Variants in SLCO3A1 observed in about 807,000 individuals in gnomAD.
SLCO3A1 encodes solute carrier organic anion transporter family member 3A1, also known as PGE1 transporter.
SLCO3A1 carries 27 observed loss-of-function variants against 63.1 expected under a neutral mutation model. The ratio of observed to expected loss-of-function variants is 0.43; its 90% CI spans 0.32 to 0.59. The LOEUF is 0.59. SLCO3A1 is among the 20% of genes least tolerant of loss of function. SLCO3A1 has a pLI of 0.09. For missense variants in SLCO3A1, 773 were observed against 945.8 expected, an observed-to-expected ratio of 0.82 and a Z score of 2.40; for synonymous variants, 473 against 409.9, an observed-to-expected ratio of 1.15 and a Z score of -1.86.
At chr15:92,097,494 C>A (rs756371819) in intron 3 of SLCO3A1, among the ~76,000 whole-genome samples, 1 of 152,178 alleles carries the variant, frequency 6.6e-6, no homozygotes, top group African/African-American at 2.4e-5. Context: ...TTACTGTGTT[C>A]GGCATCTCTG....
intron 2 of SLCO3A1, among the ~76,000 whole-genome samples, chr15:92,025,689 G>C (rs1478117460): frequency 6.6e-6 from 1 of 152,208 alleles, no homozygotes; most frequent in Non-Finnish European, 1.5e-5. Context: ...CATTCCCGTA[G>C]CTGTCTCTAT....
intron 3 of SLCO3A1, among the ~76,000 whole-genome samples, chr15:92,102,461 T>C (rs2047617730): frequency 6.6e-6 from 1 of 152,202 alleles, no homozygotes. Flanking sequence ...TTGCCTGTCA[T>C]CCTTGCAACC....
intron 2 of SLCO3A1, among the ~76,000 whole-genome samples, chr15:92,005,478 A>G (rs1274392524): frequency 2.6e-5 from 4 of 152,210 alleles, no homozygotes; most frequent in East Asian, 1.9e-4. Flanking sequence ...TCTGGCGGGT[A>G]GGTGAGAATC....
At chr15:92,015,356 T>C (rs549472485) in intron 2 of SLCO3A1, among the ~76,000 whole-genome samples, 2 of 152,150 alleles carry the variant, frequency 1.3e-5, no homozygotes, top group African/African-American at 4.8e-5. Context: ...CTTACAATCA[T>C]GTCAGAAGGC....
At chr15:92,080,215 C>T (rs2047326540) in intron 2 of SLCO3A1, among the ~76,000 whole-genome samples, 1 of 152,200 alleles carries the variant, frequency 6.6e-6, no homozygotes, top group Non-Finnish European at 1.5e-5. Context: ...TCCATGAGGC[C>T]AGGGCTTCCT....
intron 2 of SLCO3A1, among the ~76,000 whole-genome samples, chr15:91,926,596 T>TGTGTGGGTGTGTGTGC: frequency 9.5e-6 from 1 of 105,256 alleles, no homozygotes; most frequent in South Asian, 3.0e-4. Context: ...TGTGTGTGTG[T>TGTGTGGGTGTGTGTGC]GCGCGCGCGC....
chr15:92,028,750 C>T (rs985855889), intron 2 of SLCO3A1, among the ~76,000 whole-genome samples: 3 of 152,146 alleles, frequency 2.0e-5, no homozygotes, highest in African/African-American at 7.2e-5. Flanking sequence ...GAAGATGCTG[C>T]AATTAGGGGT....
intron 2 of SLCO3A1, among the ~76,000 whole-genome samples, chr15:92,088,242 C>T (rs773026351): frequency 2.6e-5 from 4 of 152,068 alleles, no homozygotes; most frequent in Admixed American, 6.6e-5. Flanking sequence ...AGCACTGGGG[C>T]GAAATAGGAA....
intron 2 of SLCO3A1, among the ~76,000 whole-genome samples, chr15:92,068,424 C>T (rs1477918830): frequency 6.6e-6 from 1 of 151,294 alleles, no homozygotes; most frequent in African/African-American, 2.4e-5. Flanking sequence ...ATTAAGACAG[C>T]GTTTCAGCGC....
intron 2 of SLCO3A1, among the ~76,000 whole-genome samples, chr15:92,035,985 C>T (rs772783806): frequency 1.1e-4 from 16 of 146,508 alleles, no homozygotes; most frequent in Non-Finnish European, 1.9e-4. Flanking sequence ...GATGTGCCCA[C>T]GACCTGTTTC....
At chr15:92,131,213 G>A (rs926482801) in intron 7 of SLCO3A1, among the ~76,000 whole-genome samples, 2 of 151,984 alleles carry the variant, frequency 1.3e-5, no homozygotes, top group Non-Finnish European at 2.9e-5. Context: ...ACCAAGAAAG[G>A]AAAAATAGTG....
At chr15:92,051,414 T>C (rs1274168586) in intron 2 of SLCO3A1, among the ~76,000 whole-genome samples, 1 of 152,144 alleles carries the variant, frequency 6.6e-6, no homozygotes, top group East Asian at 1.9e-4. Flanking sequence ...TTAGACTTCA[T>C]CTTGTGGGCA....
chr15:91,939,736 G>A (rs1221286077), intron 2 of SLCO3A1, among the ~76,000 whole-genome samples: 2 of 151,940 alleles, frequency 1.3e-5, no homozygotes, highest in African/African-American at 2.4e-5. Flanking sequence ...CCTCCTACCC[G>A]CCTCCTCCAT....
chr15:91,930,196 C>A (rs554714149), intron 2 of SLCO3A1, among the ~76,000 whole-genome samples: 1 of 152,162 alleles, frequency 6.6e-6, no homozygotes, highest in African/African-American at 2.4e-5. Context: ...GTTCCTGCAC[C>A]TCTCTGATGT....
intron 2 of SLCO3A1, among the ~76,000 whole-genome samples, chr15:92,056,555 T>G (rs1480610916): frequency 6.6e-6 from 1 of 152,214 alleles, no homozygotes; most frequent in Non-Finnish European, 1.5e-5. Context: ...AGACTCATCT[T>G]ATTACTTCCT....
chr15:91,870,970 A>G (rs972884801), intron 1 of SLCO3A1, among the ~76,000 whole-genome samples: 3 of 151,632 alleles, frequency 2.0e-5, no homozygotes, highest in African/African-American at 7.3e-5. Context: ...TTTGGGGGGT[A>G]TCTTTCTCTG....
Position 91,916,346 on chromosome 15 carries a change from G to A in SLCO3A1, c.534G>A (p.Leu178=), listed in dbSNP as rs766465611. 1.9e-6 allele frequency: 3 copies of A among 1,609,756 alleles called. No individual in the cohort carries two copies. Among genetic ancestry groups the A allele is most frequent in the Admixed American group, 1.7e-5 (1 of 59,494 alleles). ...GGACGGCTACCAACATGATGTACTT[G>A]CTGCTCATTGGGGCCCAGGTGCTCC... ...RNRTATNMMY[L]LLIGAQVLLG... The change falls in exon 2 of 10, where the codon TTG becomes TTA. Residue 178 remains leucine (L), a synonymous_variant. Coordinates refer to ENST00000318445, the MANE Select transcript of SLCO3A1 (RefSeq NM_013272.4). The surrounding 1 kb of genome is among the most constrained non-coding windows in gnomAD (Gnocchi z 6.2).
chr15:92,053,928 A>ACTTACAGAGT (rs1450545274), intron 2 of SLCO3A1, among the ~76,000 whole-genome samples: 1 of 151,930 alleles, frequency 6.6e-6, no homozygotes, highest in Non-Finnish European at 1.5e-5. Flanking sequence ...TGCAGCCCAC[A>ACTTACAGAGT]CTTACAGAGT....
intron 2 of SLCO3A1, among the ~76,000 whole-genome samples, chr15:92,005,811 G>C (rs28647689): frequency 6.6e-6 from 1 of 152,174 alleles, no homozygotes; most frequent in Non-Finnish European, 1.5e-5. Context: ...CTTTTGTAGG[G>C]ATGGCCTGTC....
Sources: gnomAD v4.1 joint callset for allele counts (sites outside exome capture counted in the v4.1 genomes callset) on GRCh38, gnomAD v4.1.1 for gene constraint, Gnocchi (gnomAD v3.1) non-coding constraint, MANE v1.5 for transcripts, NCBI Gene and HGNC (gene_info 2026-07-23, HGNC 2026-07-21) for gene names.